The following HMGA1 variants were observed in gnomAD, a reference collection of about 807,000 sequenced individuals.
HMGA1 encodes high mobility group protein HMG-I/HMG-Y.
HMGA1 carries 1 observed loss-of-function variant against 15.1 expected under a neutral mutation model. That is an observed-to-expected ratio of 0.07 (90% CI 0.02 to 0.31). The LOEUF (loss-of-function observed/expected upper bound fraction) is 0.31, where lower values mean the gene tolerates loss of function less well. HMGA1 is among the 10% of genes least tolerant of loss of function. HMGA1 has a pLI of 1.00. For missense variants in HMGA1, 94 were observed against 141.4 expected, an observed-to-expected ratio of 0.66 and a Z score of 1.70; for synonymous variants, 56 against 54.8, an observed-to-expected ratio of 1.02 and a Z score of -0.10.
intron 1 of HMGA1, 64 bp downstream of exon 1, chr6:34,237,027 T>C (rs1286505795): frequency 6.6e-6 from 1 of 151,796 alleles, no homozygotes; most frequent in Non-Finnish European, 1.5e-5. Flanking sequence ...AAATTATTTA[T>C]TTATTGAGGC....
intron 2 of HMGA1, among the ~76,000 whole-genome samples, chr6:34,239,649 AG>A (rs1242041409): frequency 2.0e-5 from 3 of 152,062 alleles, no homozygotes; most frequent in African/African-American, 7.2e-5. Context: ...TGTGTAGCCT[AG>A]GCCTCCGGCG....
rs202228093 is a variant in HMGA1 at position 34,237,688 on chromosome 6, GGAGCCCGAGCCC to G, written c.-45+379_-45+390del. ...CGCGGCGGCCGCTCCCGCTGGAGCC[GGAGCCCGAGCCC>G]GAGCCCGGGCCCGGGTGAGGGGCGG... On this transcript the variant is annotated intron_variant, in intron 2 of 5. Coordinates refer to ENST00000311487, the MANE Select transcript of HMGA1 (RefSeq NM_145899.3). Among the ~76,000 whole-genome samples, 14 of 147,396 alleles carry G rather than the reference GGAGCCCGAGCCC, an allele frequency of 9.5e-5. No individual in the cohort carries two copies. In the South Asian group the frequency reaches 1.1e-3, roughly 11 times the overall value.
chr6:34,242,863 C>G (rs541587705), intron 4 of HMGA1, 68 bp downstream of exon 4: 1 of 1,218,212 alleles, frequency 8.2e-7, no homozygotes, highest in African/African-American at 1.5e-5. Flanking sequence ...GGCACCATGG[C>G]CACGGCTGTG....
Position 34,240,894 on chromosome 6 carries a change from G to C in HMGA1, c.114G>C (p.Gly38=). 1 of 1,613,728 alleles carries C rather than the reference G, an allele frequency of 6.2e-7. No individual in the cohort carries two copies. Among genetic ancestry groups the C allele is most frequent in the South Asian group, 1.1e-5 (1 of 91,068 alleles). The change falls in exon 3 of 6, where the codon GGG becomes GGC. Residue 38 remains glycine, a synonymous_variant. Coordinates refer to ENST00000311487, the MANE Select transcript of HMGA1 (RefSeq NM_145899.3). ...RPRKQPPVSP[G]TALVGSQKEP... The stretch of plus-strand genomic sequence containing the variant: ...GCAAGCAGCCTCCGGTGAGTCCCGG[G>C]ACAGCGCTGGTAGGGAGTCAGGTGG...
intron 3 of HMGA1, among the ~76,000 whole-genome samples, chr6:34,241,411 A>G (rs1172020146): frequency 6.6e-6 from 1 of 152,280 alleles, no homozygotes; most frequent in Non-Finnish European, 1.5e-5. Flanking sequence ...CCAGGTGAGA[A>G]ACGGGTGCCT....
chr6:34,240,272 G>T (rs560197549), intron 2 of HMGA1, among the ~76,000 whole-genome samples: 1 of 152,158 alleles, frequency 6.6e-6, no homozygotes, highest in Non-Finnish European at 1.5e-5. Flanking sequence ...CTGCCAGATC[G>T]CAAGGTCTCA....
At chr6:34,237,638 G>A (rs1023702381) in intron 2 of HMGA1, among the ~76,000 whole-genome samples, 4 of 147,680 alleles carry the variant, frequency 2.7e-5, no homozygotes, top group Admixed American at 2.7e-4. Context: ...ACCCGGCGGA[G>A]CCCGGAGGAG....
At position 34,244,912 on chromosome 6, in the gene HMGA1, G is replaced by A. The variant is rs1430492798; in HGVS notation, c.*28G>A. On this transcript the variant is annotated 3_prime_UTR_variant, in exon 6 of 6. Coordinates refer to ENST00000311487, the MANE Select transcript of HMGA1 (RefSeq NM_145899.3). ...CATGCGTGCCGCCTGCTCCTCACTG[G>A]AGGAGCAGCTTCCTTCTGGGACTGG... is the stretch of plus-strand genomic sequence containing the variant. The A allele has an allele frequency of 1.4e-5, 21 of 1,551,488 alleles. No homozygotes were observed. Among genetic ancestry groups the A allele is most frequent in the Non-Finnish European group, 1.7e-5 (20 of 1,147,538 alleles).
intron 2 of HMGA1, chr6:34,240,531 A>G: frequency 2.0e-6 from 1 of 510,092 alleles, no homozygotes; most frequent in East Asian, 3.5e-5. Context: ...CAGGAGATAG[A>G]TAAGAAGCTG....
chr6:34,245,164 C>T lies in HMGA1; in HGVS notation c.*280C>T. On this transcript the variant is annotated 3_prime_UTR_variant, in exon 6 of 6. Transcript: ENST00000311487. Reference sequence around the variant, plus strand: ...TACACACATGCCCTCCTGGACAAGGCTAACATCCCACTTAGCCGCACCCTG... The same window carrying T: ...TACACACATGCCCTCCTGGACAAGGTTAACATCCCACTTAGCCGCACCCTG... The T allele has an allele frequency of 1.4e-6, 2 of 1,463,968 alleles. No homozygotes were observed. The highest frequency in any genetic ancestry group is 1.8e-6 in the Non-Finnish European group (2 of 1,100,974). 90.7% of individuals were successfully genotyped at this position (1,463,968 alleles called of 1,614,324 possible).
At position 34,242,695 on chromosome 6, in the gene HMGA1, C is replaced by A; in HGVS notation, c.136-17C>A. 6.5e-7 allele frequency: 1 copy of A among 1,542,132 alleles called. No individual in the cohort carries two copies. Among genetic ancestry groups the A allele is most frequent in the East Asian group, 2.4e-5 (1 of 41,998 alleles). On this transcript the variant is annotated splice_polypyrimidine_tract_variant and intron_variant, in intron 3 of 5. Coordinates refer to ENST00000311487, the MANE Select transcript of HMGA1 (RefSeq NM_145899.3). ...ACAGGTGATGACTGTCCCTGACTAC[C>A]CCCTCTGTCTTTACAGAAGGAGCCC...
rs747796445 is a variant in HMGA1 at position 34,245,573 on chromosome 6, C to T, written c.*689C>T. The stretch of plus-strand genomic sequence containing the variant: ...TACTCCCTCTTCACTGTGGCCACAG[C>T]CCCCTTGCCCTCCGCCTGGGATCTG... On this transcript the variant is annotated 3_prime_UTR_variant, in exon 6 of 6. Coordinates refer to ENST00000311487, the MANE Select transcript of HMGA1 (RefSeq NM_145899.3). The T allele has an allele frequency of 5.5e-5, 76 of 1,379,508 alleles. No individual in the cohort carries two copies. The highest frequency in any genetic ancestry group is 1.9e-4 in the Middle Eastern group (1 of 5,132). The allele number at this position is 1,379,508 out of a possible 1,614,324, so 85.5% of individuals were successfully genotyped here.
At chr6:34,238,315 C>T (rs368754409) in intron 2 of HMGA1, among the ~76,000 whole-genome samples, 5 of 152,174 alleles carry the variant, frequency 3.3e-5, no homozygotes, top group African/African-American at 1.2e-4. Context: ...GGCGCAGACA[C>T]TTGCAGAGTC....
rs1718495196 is a variant in HMGA1 at position 34,244,820 on chromosome 6, C to T, written c.271-11C>T. The T allele has an allele frequency of 1.1e-5, 17 of 1,569,172 alleles. No homozygotes were observed. Among genetic ancestry groups the T allele is most frequent in the Non-Finnish European group, 1.5e-5 (17 of 1,157,376 alleles). ...GGCCAGAGCTCACACCAACAACTGC[C>T]CACCTCACAGGAGAAGGAGGAAGAG... On this transcript the variant is annotated splice_polypyrimidine_tract_variant and intron_variant, in intron 5 of 5. Transcript: ENST00000311487.
At position 34,245,181 on chromosome 6, in the gene HMGA1, C is replaced by T. The variant is rs773969172; in HGVS notation, c.*297C>T. On this transcript the variant is annotated 3_prime_UTR_variant, in exon 6 of 6. Transcript: ENST00000311487. ...GGACAAGGCTAACATCCCACTTAGC[C>T]GCACCCTGCACCTGCTGCGTCCCCA... 8.6e-5 allele frequency: 123 copies of T among 1,436,918 alleles called. No individual in the cohort carries two copies. The highest frequency in any genetic ancestry group is 2.2e-4 in the South Asian group (18 of 82,308). The allele number at this position is 1,436,918 out of a possible 1,614,324, so 89.0% of individuals were successfully genotyped here. A position where few individuals can be genotyped will look rare whatever the true frequency, so the allele number is the denominator to read the frequency against.
In HMGA1 at chr6:34,238,624, G is replaced by A. The variant is rs1173998992; in HGVS notation, c.-45+1307G>A. On this transcript the variant is annotated intron_variant, in intron 2 of 5. Transcript: ENST00000311487. ...GAGGAGACAGGCTTGAGGCCCAAGC[G>A]GGCTTATTACAAAGTGAGGGATTGG... Among the ~76,000 whole-genome samples, 5 of 152,300 alleles carry A rather than the reference G, an allele frequency of 3.3e-5. No homozygotes were observed. The East Asian group carries it at 9.6e-4, about 29-fold the overall frequency.
At chr6:34,240,397 C>G (rs1415781460) in intron 2 of HMGA1, among the ~76,000 whole-genome samples, 2 of 152,202 alleles carry the variant, frequency 1.3e-5, no homozygotes, top group African/African-American at 4.8e-5. Context: ...CACCTCCCCA[C>G]ACCTTTGTCC....
At chr6:34,238,781 G>A (rs1762047364) in intron 2 of HMGA1, 1 of 152,014 alleles carries the variant, frequency 6.6e-6, no homozygotes, top group Non-Finnish European at 1.5e-5. Flanking sequence ...GTTGGCTGAG[G>A]GGATTAAAGG....
chr6:34,239,688 G>A (rs1762136989), intron 2 of HMGA1, among the ~76,000 whole-genome samples: 1 of 49,758 alleles, frequency 2.0e-5, no homozygotes, highest in Non-Finnish European at 8.8e-5. Context: ...CTGGGGATAA[G>A]GACTAGGATG....
Sources: gnomAD v4.1 joint callset for allele counts (sites outside exome capture counted in the v4.1 genomes callset) on GRCh38, gnomAD v4.1.1 for gene constraint, MANE v1.5 for transcripts, NCBI Gene and HGNC (gene_info 2026-07-23, HGNC 2026-07-21) for gene names.